Variants in DAB1 observed in about 807,000 individuals in gnomAD.
DAB1 encodes disabled homolog 1.
In DAB1, 15 loss-of-function variants were observed where a neutral mutation model predicts 64.6. That is an observed-to-expected ratio of 0.23 (90% CI 0.16 to 0.36). The LOEUF is 0.36. Among genes scored for constraint, DAB1 ranks in the 10% least tolerant of loss-of-function variants. The pLI is 1.00. For synonymous variants in DAB1, 235 were observed against 251.9 expected, an observed-to-expected ratio of 0.93 and a Z score of 0.64; for missense variants, 596 against 706.7, an observed-to-expected ratio of 0.84 and a Z score of 1.78.
chr1:57,141,745 C>T (rs996858594), intron 3 of DAB1, among the ~76,000 whole-genome samples: 4 of 152,148 alleles, frequency 2.6e-5, no homozygotes, highest in African/African-American at 7.2e-5. Context: ...ATTTTGCCAC[C>T]GTCTCCGAAA....
At chr1:58,366,163 G>T (rs181248530) in intron 3 of DAB1, among the ~76,000 whole-genome samples, 7 of 152,306 alleles carry the variant, frequency 4.6e-5, no homozygotes, top group Non-Finnish European at 1.0e-4. Flanking sequence ...TCCTGAAAGA[G>T]CCAGGGTTTC....
intron 6 of DAB1, among the ~76,000 whole-genome samples, chr1:57,705,874 G>GTTTTTTT (rs11375591): frequency 1.1e-4 from 16 of 144,760 alleles, no homozygotes; most frequent in Non-Finnish European, 1.7e-4. Flanking sequence ...CAATACTAGG[G>GTTTTTTT]TTTTTTTTTT....
chr1:57,887,402 A>T (rs1644239895), upstream of DAB1, among the ~76,000 whole-genome samples: 2 of 152,230 alleles, frequency 1.3e-5, no homozygotes, highest in Non-Finnish European at 2.9e-5. Flanking sequence ...AAACATAAAT[A>T]CCCGAATGAT....
downstream of DAB1, among the ~76,000 whole-genome samples, chr1:57,825,090 C>T (rs991026344): frequency 1.3e-5 from 2 of 152,182 alleles, no homozygotes; most frequent in African/African-American, 2.4e-5. Context: ...TCAGAAGTAA[C>T]GTGAAAAGGG....
intron 6 of DAB1, among the ~76,000 whole-genome samples, chr1:57,688,258 T>C (rs1022236145): frequency 6.6e-6 from 1 of 151,992 alleles, no homozygotes; most frequent in African/African-American, 2.4e-5. Flanking sequence ...GCAAAGGACA[T>C]AAACAGACAC....
At chr1:57,478,087 G>A (rs1188265291) in intron 7 of DAB1, among the ~76,000 whole-genome samples, 1 of 149,954 alleles carries the variant, frequency 6.7e-6, no homozygotes, top group Non-Finnish European at 1.5e-5. Context: ...GGTGTGTGAT[G>A]TTCCCCTTCC....
chr1:57,424,446 C>G (rs1233137837), upstream of DAB1, among the ~76,000 whole-genome samples: 2 of 151,854 alleles, frequency 1.3e-5, no homozygotes, highest in Admixed American at 6.5e-5. Context: ...GAGCCGAGAG[C>G]GAGGGGTCCC....
intron 2 of DAB1, among the ~76,000 whole-genome samples, chr1:57,282,948 T>C (rs1041448650): frequency 1.2e-4 from 19 of 152,164 alleles, no homozygotes; most frequent in Non-Finnish European, 2.8e-4. Flanking sequence ...ATAGCCCCTA[T>C]AATTTTTTTC....
At chr1:58,220,827 CTATA>C (rs1230392709) in intron 4 of DAB1, among the ~76,000 whole-genome samples, 1 of 150,704 alleles carries the variant, frequency 6.6e-6, no homozygotes, top group South Asian at 2.1e-4. Flanking sequence ...TAAGAATTTG[CTATA>C]TATATACACG....
intron 2 of DAB1, among the ~76,000 whole-genome samples, chr1:57,204,015 A>G (rs1219378357): frequency 1.3e-5 from 2 of 151,920 alleles, no homozygotes; most frequent in African/African-American, 2.4e-5. Context: ...TCAGCCTCCC[A>G]TGTAGCTGGG....
chr1:57,835,011 G>A (rs1043562559), intron 1 of DAB1, among the ~76,000 whole-genome samples: 1 of 152,098 alleles, frequency 6.6e-6, no homozygotes, highest in African/African-American at 2.4e-5. Context: ...GCAGAAGTTC[G>A]TGCTCAATCT....
intron 6 of DAB1, among the ~76,000 whole-genome samples, chr1:57,717,654 A>G (rs1408980975): frequency 6.6e-6 from 1 of 152,200 alleles, no homozygotes; most frequent in Non-Finnish European, 1.5e-5. Context: ...AATAGCCAAG[A>G]TATGAAATTA....
chr1:57,705,751 T>C (rs1646958815), intron 6 of DAB1, among the ~76,000 whole-genome samples: 2 of 152,254 alleles, frequency 1.3e-5, no homozygotes, highest in South Asian at 2.1e-4. Context: ...AGAGTAGTGA[T>C]TATTTGCTTA....
At chr1:57,455,457 T>C (rs1399397770) in intron 7 of DAB1, among the ~76,000 whole-genome samples, 1 of 152,120 alleles carries the variant, frequency 6.6e-6, no homozygotes, top group Non-Finnish European at 1.5e-5. Flanking sequence ...AGTTCAGGCT[T>C]TATCTGTAGG....
chr1:58,491,811 T>G, intron 3 of DAB1, among the ~76,000 whole-genome samples: 1 of 152,096 alleles, frequency 6.6e-6, no homozygotes. Context: ...CACACAATAA[T>G]AATGGGAGAC....
chr1:58,428,828 G>A (rs143375631), intron 3 of DAB1, among the ~76,000 whole-genome samples: 37 of 152,218 alleles, frequency 2.4e-4, no homozygotes, highest in African/African-American at 8.9e-4. Flanking sequence ...TTAAGGTCTA[G>A]TTAAGTAGTT....
intron 3 of DAB1, among the ~76,000 whole-genome samples, chr1:58,459,901 G>A (rs1426478844): frequency 1.3e-5 from 2 of 152,134 alleles, no homozygotes; most frequent in Non-Finnish European, 2.9e-5. Context: ...TCACTTGAAT[G>A]CAGGATCCAG....
chr1:57,863,653 C>T (rs894331479), intron 1 of DAB1, among the ~76,000 whole-genome samples: 4 of 151,944 alleles, frequency 2.6e-5, no homozygotes, highest in South Asian at 2.1e-4. Flanking sequence ...GGGAAGGCTA[C>T]GGATCTCATG....
Position 57,341,835 on chromosome 1 carries a change from T to G in DAB1, c.-136-50669A>C, listed in dbSNP as rs187529050. Among the ~76,000 whole-genome samples the G allele has an allele frequency of 1.2e-4, 18 of 152,312 alleles. No homozygotes were observed. The East Asian group carries it at 3.5e-3, about 29-fold the overall frequency. ...TCAAACAGGTTCAGGGAATGCTACG[T>G]GTAAGAACCTCCTTTTGATGCTATA... is the stretch of plus-strand genomic sequence containing the variant. On this transcript the variant is annotated intron_variant, in intron 1 of 14. Transcript: ENST00000371236.
Sources: allele counts gnomAD v4.1 joint callset (sites outside exome capture counted in the v4.1 genomes callset), GRCh38; gene constraint gnomAD v4.1.1; transcripts MANE v1.5; gene names NCBI Gene and HGNC (gene_info 2026-07-23, HGNC 2026-07-21).